MYOF: variants seen among roughly 807,000 people sequenced by gnomAD.
MYOF encodes the protein fer-1-like 3, myoferlin.
Under a neutral mutation model 284.2 loss-of-function variants are expected in MYOF, and 244 were observed. The observed-to-expected ratio is 0.86, with a 90% CI of 0.77 to 0.95. The LOEUF (loss-of-function observed/expected upper bound fraction) is 0.95, where lower values mean the gene tolerates loss of function less well. Among genes scored for constraint, MYOF ranks in the 40% least tolerant of loss-of-function variants. The pLI, the probability that MYOF is intolerant of heterozygous loss-of-function variation, is 0.00. For missense variants in MYOF, 2,496 were observed against 2,560.6 expected (o/e 0.97, Z 0.54); for synonymous variants, 904 against 919.7 (o/e 0.98, Z 0.31).
chr10:93,453,508 AG>A (rs1360216279), intron 2 of MYOF, among the ~76,000 whole-genome samples: 1 of 152,174 alleles, frequency 6.6e-6, no homozygotes, highest in Non-Finnish European at 1.5e-5. Flanking sequence ...CATGTTGGCC[AG>A]GCTGGTCTCA....
chr10:93,418,905 T>C (rs1339464137), intron 5 of MYOF, among the ~76,000 whole-genome samples: 3 of 152,210 alleles, frequency 2.0e-5, no homozygotes, highest in Non-Finnish European at 2.9e-5. Context: ...CAAAGCCACT[T>C]GATTAGAAAC....
Position 93,310,016 on chromosome 10 carries a change from C to T in MYOF, c.6147+4G>A. 4 of 1,614,052 alleles carry T rather than the reference C, an allele frequency of 2.5e-6. No individual in the cohort carries two copies. Among genetic ancestry groups the T allele is most frequent in the Non-Finnish European group, 3.4e-6 (4 of 1,180,008 alleles). ...AAGACAAGGGGCCAAGGAAGGGCTCCTACCGGCAAAGAGTAGAGGAGCACG... is the reference window on the plus strand; with the variant it reads ...AAGACAAGGGGCCAAGGAAGGGCTCTTACCGGCAAAGAGTAGAGGAGCACG... On this transcript the variant is annotated splice_donor_region_variant and intron_variant, in intron 53 of 53. Transcript: ENST00000359263.
chr10:93,481,886 T>G (rs1307364744), intron 1 of MYOF, among the ~76,000 whole-genome samples: 2 of 152,140 alleles, frequency 1.3e-5, no homozygotes, highest in African/African-American at 4.8e-5. Context: ...AATCACACTC[T>G]TAGAGCTAAA....
chr10:93,431,334 T>C (rs905124610), intron 4 of MYOF, 74 bp downstream of exon 4: 2 of 1,338,710 alleles, frequency 1.5e-6, no homozygotes, highest in African/African-American at 1.4e-5. Context: ...CGCCCGGCCT[T>C]AGACCTTTTT....
chr10:93,356,257 A>G (rs937972139), intron 30 of MYOF, among the ~76,000 whole-genome samples: 1 of 151,998 alleles, frequency 6.6e-6, no homozygotes, highest in African/African-American at 2.4e-5. Flanking sequence ...ATTGCTCTCT[A>G]ATTTTGTGAG....
intron 5 of MYOF, among the ~76,000 whole-genome samples, chr10:93,414,101 C>A (rs187946135): frequency 6.6e-6 from 1 of 152,326 alleles, no homozygotes; most frequent in Non-Finnish European, 1.5e-5. Flanking sequence ...TCTGAAGCCT[C>A]GAGGGAAAAA....
intron 5 of MYOF, among the ~76,000 whole-genome samples, chr10:93,424,023 G>A (rs1426844556): frequency 2.0e-5 from 3 of 152,082 alleles, no homozygotes; most frequent in East Asian, 1.9e-4. Context: ...CAAGGAAGGC[G>A]GGCAACCAAC....
At position 93,407,716 on chromosome 10, in the gene MYOF, C is replaced by T. The variant is rs899960078; in HGVS notation, c.729+1071G>A. ...TCACGCCACTGCACTCCAGCCTGGG[C>T]GACAGAGCCAGACTCTGTCTCAAAA... On this transcript the variant is annotated intron_variant, in intron 7 of 53. Coordinates refer to ENST00000359263, the MANE Select transcript of MYOF (RefSeq NM_013451.4). Among the ~76,000 whole-genome samples, 57 of 132,068 alleles carry T rather than the reference C, an allele frequency of 4.3e-4. No individual in the cohort carries two copies. In the Admixed American group the frequency reaches 4.8e-3, roughly 11 times the overall value. 86.6% of individuals were successfully genotyped at this position (132,068 alleles called of 152,430 possible).
chr10:93,464,759 C>T (rs2056965006), intron 1 of MYOF, among the ~76,000 whole-genome samples: 1 of 152,082 alleles, frequency 6.6e-6, no homozygotes, highest in Non-Finnish European at 1.5e-5. Flanking sequence ...CTGAAATGGC[C>T]TCAGGAAAAG....
intron 24 of MYOF, among the ~76,000 whole-genome samples, chr10:93,370,939 A>G (rs1314109556): frequency 6.6e-6 from 1 of 152,228 alleles, no homozygotes; most frequent in African/African-American, 2.4e-5. Context: ...TGGTGATGAC[A>G]AAATTCCAGC....
chr10:93,319,129 A>C (rs1174159329), intron 49 of MYOF, among the ~76,000 whole-genome samples: 2 of 152,158 alleles, frequency 1.3e-5, no homozygotes, highest in Non-Finnish European at 2.9e-5. Context: ...AAGCAGAGAC[A>C]TTGAGGCCCA....
rs773343364 is a variant in MYOF, at chr10:93,347,624, C to A, written c.4242G>T (p.Gln1414His). 4.3e-6 allele frequency: 7 copies of A among 1,610,010 alleles called. No individual in the cohort carries two copies. The South Asian group carries it at 7.7e-5, about 18-fold the overall frequency. ...CACAGCCTTGCATGTTACCTTTGAG[C>A]TGTGGGACGATGTCCTCTTTCCCTG... ...PYAGKEDIVP[Q>H]LKASLLSAPP... Residue 1414 changes from glutamine to histidine, a missense_variant, in exon 37 of 54, where the codon CAG becomes CAT. Coordinates refer to ENST00000359263, the MANE Select transcript of MYOF (RefSeq NM_013451.4).
intron 4 of MYOF, among the ~76,000 whole-genome samples, chr10:93,430,854 G>A (rs768933657): frequency 2.0e-5 from 3 of 151,952 alleles, no homozygotes; most frequent in South Asian, 2.1e-4. Context: ...GTTTGCAAAC[G>A]GGCCCAGTTT....
chr10:93,373,258 T>G (rs1379271361), intron 23 of MYOF, among the ~76,000 whole-genome samples, 173 bp from the exon 24 acceptor site: 3 of 152,150 alleles, frequency 2.0e-5, no homozygotes, highest in Non-Finnish European at 4.4e-5. Context: ...CACTGTGAGT[T>G]TGCAGGGCTG....
At chr10:93,460,326 G>A (rs2056843329) in intron 1 of MYOF, among the ~76,000 whole-genome samples, 2 of 152,224 alleles carry the variant, frequency 1.3e-5, no homozygotes, top group Admixed American at 1.3e-4. Context: ...CCCTCAGGAG[G>A]CACAGGATTG....
intron 5 of MYOF, among the ~76,000 whole-genome samples, chr10:93,422,023 C>T (rs1198992992): frequency 3.0e-4 from 1 of 3,322 alleles, no homozygotes; most frequent in Non-Finnish European, 8.8e-4. Flanking sequence ...CGAGCCCCGG[C>T]AAACATTCAT....
In MYOF at chr10:93,404,157, C is replaced by T; in HGVS notation, c.792G>A (p.Arg264=). The T allele has an allele frequency of 6.2e-7, 1 of 1,614,140 alleles. No individual in the cohort carries two copies. Among genetic ancestry groups the T allele is most frequent in the Non-Finnish European group, 8.5e-7 (1 of 1,180,008 alleles). ...SELMDEIISI[R]VYNSHSLRAD... is the part of the protein sequence containing the mutation. ...TACCTTCCTACTTGCTGACCCTTAC[C>T]CGGATGCTGATGATCTCATCCATCA... is the stretch of plus-strand genomic sequence containing the variant. The change falls in exon 8 of 54, where the codon CGG becomes CGA. Residue 264 remains arginine, a splice_region_variant and synonymous_variant. Transcript: ENST00000359263.
In MYOF at chr10:93,356,752, G is replaced by A. The variant is rs1231401623; in HGVS notation, c.3217C>T (p.Arg1073Cys). The A allele has an allele frequency of 9.3e-6, 15 of 1,614,140 alleles. No homozygotes were observed. Among genetic ancestry groups the A allele is most frequent in the East Asian group, 2.2e-5 (1 of 44,882 alleles). ...GCCATTTTTCTCCTCCAGCGTCTGC[G>A]GCGGAAGGTATCTGAACTACGTTGT... ...WKQRSSDTFR[R>C]RRWRRKMAPS... Residue 1073 changes from arginine to cysteine, a missense_variant, in exon 30 of 54, where the codon CGC becomes TGC. Physicochemically the swap from Arg to Cys is radical, Grantham distance 180. Coordinates refer to ENST00000359263, the MANE Select transcript of MYOF (RefSeq NM_013451.4).
chr10:93,373,216 T>G, intron 23 of MYOF, 131 bp from the exon 24 acceptor site: 1 of 1,067,750 alleles, frequency 9.4e-7, no homozygotes, highest in Non-Finnish European at 1.4e-6. Flanking sequence ...GGGCTCTGTC[T>G]CAAATTCCTG....
Sources: allele counts gnomAD v4.1 joint callset (sites outside exome capture counted in the v4.1 genomes callset), GRCh38; gene constraint gnomAD v4.1.1; transcripts MANE v1.5; gene names NCBI Gene and HGNC (gene_info 2026-07-23, HGNC 2026-07-21).